The following LRP1B variants were observed in gnomAD, a reference collection of about 807,000 sequenced individuals.
LRP1B encodes the protein LDL receptor related protein 1B.
LRP1B carries 217 observed loss-of-function variants against 556.6 expected under a neutral mutation model. The ratio of observed to expected loss-of-function variants is 0.39; its 90% CI spans 0.35 to 0.44. LRP1B has a LOEUF of 0.44. LRP1B is among the 20% of genes least tolerant of loss of function. The pLI is 1.00. For missense variants in LRP1B, 5,053 were observed against 5,620.8 expected, an observed-to-expected ratio of 0.90 and a Z score of 3.23; for synonymous variants, 2,047 against 1,865.8, an observed-to-expected ratio of 1.10 and a Z score of -2.50.
At chr2:142,085,749 C>T (rs1471875431) in intron 1 of LRP1B, among the ~76,000 whole-genome samples, 1 of 152,156 alleles carries the variant, frequency 6.6e-6, no homozygotes, top group East Asian at 1.9e-4. Context: ...ACTTTCATAA[C>T]TCATTTAACT....
At chr2:140,688,782 C>CT (rs1234900483) in intron 41 of LRP1B, among the ~76,000 whole-genome samples, 1 of 152,166 alleles carries the variant, frequency 6.6e-6, no homozygotes, top group Admixed American at 6.5e-5. Context: ...TCAAGGCATC[C>CT]TACTGGATAA....
At position 141,412,380 on chromosome 2, in the gene LRP1B, C is replaced by T. The variant is rs183284922; in HGVS notation, c.343+68016G>A. 1.1e-3 allele frequency among the ~76,000 whole-genome samples: 167 copies of T among 152,222 alleles called. 6 individuals carry two copies. In the South Asian group the frequency reaches 0.017, roughly 15 times the overall value. ...GCAGTTTCTCTTTAGTTCATAAGAG[C>T]CTTATGCGATAATTTATTTTATATA... On this transcript the variant is annotated intron_variant, in intron 3 of 90. Transcript: ENST00000389484.
chr2:140,673,511 T>C (rs888003436), intron 41 of LRP1B, among the ~76,000 whole-genome samples: 3 of 152,186 alleles, frequency 2.0e-5, no homozygotes, highest in African/African-American at 7.2e-5. Context: ...TCTTTACTTC[T>C]GAGTCCCCAT....
chr2:141,961,353 G>A (rs1306072690), intron 1 of LRP1B, among the ~76,000 whole-genome samples: 1 of 151,804 alleles, frequency 6.6e-6, no homozygotes, highest in Non-Finnish European at 1.5e-5. Flanking sequence ...ATTGTTGGGA[G>A]AGAGGAGACA....
intron 1 of LRP1B, among the ~76,000 whole-genome samples, chr2:141,971,562 G>A (rs901328610): frequency 6.6e-6 from 1 of 151,058 alleles, no homozygotes; most frequent in South Asian, 2.1e-4. Context: ...AATTACGTAC[G>A]GGCATCCAGA....
At chr2:140,956,875 G>C (rs1695888776) in intron 18 of LRP1B, among the ~76,000 whole-genome samples, 3 of 151,678 alleles carry the variant, frequency 2.0e-5, no homozygotes, top group African/African-American at 7.2e-5. Flanking sequence ...TTGCAAAATG[G>C]AAGAAAATAT....
chr2:141,600,322 A>G (rs1183109051), intron 2 of LRP1B, among the ~76,000 whole-genome samples: 1 of 152,166 alleles, frequency 6.6e-6, no homozygotes, highest in Non-Finnish European at 1.5e-5. Flanking sequence ...ATAATTTTAA[A>G]AACCTTCCCA....
At chr2:140,888,175 C>T (rs55678028) in intron 23 of LRP1B, among the ~76,000 whole-genome samples, 9 of 152,054 alleles carry the variant, frequency 5.9e-5, no homozygotes, top group Non-Finnish European at 1.3e-4. Context: ...AGAGTCATTC[C>T]TATAACCCTC....
chr2:141,788,595 A>T (rs1695500701), intron 2 of LRP1B, among the ~76,000 whole-genome samples: 1 of 151,804 alleles, frequency 6.6e-6, no homozygotes. Context: ...GGTTAGTTAC[A>T]TATGTATACA....
At chr2:140,286,840 A>T (rs1683171756) in intron 84 of LRP1B, among the ~76,000 whole-genome samples, 1 of 151,846 alleles carries the variant, frequency 6.6e-6, no homozygotes, top group South Asian at 2.1e-4. Flanking sequence ...AATGAAAATT[A>T]TAAAAATAAA....
intron 1 of LRP1B, among the ~76,000 whole-genome samples, chr2:142,086,020 T>G (rs1051355701): frequency 1.3e-5 from 2 of 152,160 alleles, no homozygotes; most frequent in Non-Finnish European, 2.9e-5. Flanking sequence ...GTGATACTAT[T>G]AATTAGTCTT....
intron 77 of LRP1B, among the ~76,000 whole-genome samples, chr2:140,339,593 T>C (rs1681269280): frequency 6.6e-6 from 1 of 151,816 alleles, no homozygotes; most frequent in South Asian, 2.1e-4. Flanking sequence ...TGTGTCTCTG[T>C]AGGATATTTT....
chr2:141,282,767 T>C (rs1685556932), intron 3 of LRP1B, among the ~76,000 whole-genome samples: 1 of 152,080 alleles, frequency 6.6e-6, no homozygotes, highest in African/African-American at 2.4e-5. Flanking sequence ...TGTAGAAGTG[T>C]CCATGGTTTC....
At chr2:141,209,092 A>G (rs2105246356) in intron 6 of LRP1B, among the ~76,000 whole-genome samples, 1 of 152,194 alleles carries the variant, frequency 6.6e-6, no homozygotes, top group South Asian at 2.1e-4. Context: ...ACACAGCACT[A>G]CAATAACAAG....
At chr2:141,786,031 G>C (rs145112124) in intron 2 of LRP1B, among the ~76,000 whole-genome samples, 114 of 151,956 alleles carry the variant, frequency 7.5e-4, no homozygotes, top group African/African-American at 2.1e-3. Context: ...GGAGTGAGAT[G>C]CATGGCATTT....
At chr2:141,832,416 G>A (rs1163591492) in intron 1 of LRP1B, among the ~76,000 whole-genome samples, 1 of 150,928 alleles carries the variant, frequency 6.6e-6, no homozygotes, top group Non-Finnish European at 1.5e-5. Flanking sequence ...AGAAATAGTA[G>A]TATATAAATT....
intron 1 of LRP1B, among the ~76,000 whole-genome samples, chr2:141,876,850 C>T (rs762300552): frequency 6.6e-6 from 1 of 151,798 alleles, no homozygotes; most frequent in South Asian, 2.1e-4. Context: ...CCTGAAAACA[C>T]GACTTGAAGA....
chr2:140,900,052 A>G (rs1286072738), intron 23 of LRP1B, among the ~76,000 whole-genome samples: 1 of 152,196 alleles, frequency 6.6e-6, no homozygotes, highest in African/African-American at 2.4e-5. Context: ...TTGTTATAGG[A>G]CAGTCATCTA....
intron 2 of LRP1B, among the ~76,000 whole-genome samples, chr2:141,808,611 A>T (rs937184720): frequency 6.6e-6 from 1 of 152,116 alleles, no homozygotes; most frequent in African/African-American, 2.4e-5. Context: ...TAATTCACCC[A>T]TTTAAAATGT....
Sources: gnomAD v4.1 joint callset for allele counts (sites outside exome capture counted in the v4.1 genomes callset) on GRCh38, gnomAD v4.1.1 for gene constraint, MANE v1.5 for transcripts, NCBI Gene and HGNC (gene_info 2026-07-23, HGNC 2026-07-21) for gene names.